SEMA3D: variants seen among roughly 807,000 people sequenced by gnomAD.
SEMA3D encodes the protein semaphorin-3D.
In SEMA3D, 84 loss-of-function variants were observed where a neutral mutation model predicts 100.1. The ratio of observed to expected loss-of-function variants is 0.84; its 90% CI spans 0.70 to 1.01. The LOEUF is 1.01. Ranked by LOEUF, SEMA3D falls within the 50% of genes least tolerant of loss-of-function variation. The probability of loss-of-function intolerance (pLI) is 0.00; values close to 1 mark genes in which losing one functional copy is unlikely to be tolerated. For missense variants in SEMA3D, 875 were observed against 934.1 expected (o/e 0.94, Z 0.82); for synonymous variants, 312 against 320.7 (o/e 0.97, Z 0.29).
chr7:85,087,581 T>G (rs938460933), intron 4 of SEMA3D, among the ~76,000 whole-genome samples: 3 of 152,224 alleles, frequency 2.0e-5, no homozygotes, highest in African/African-American at 7.2e-5. Context: ...TGAGTGCTAA[T>G]TCTTACAGAT....
chr7:85,080,440 C>A (rs1168495061), intron 5 of SEMA3D, among the ~76,000 whole-genome samples: 1 of 152,086 alleles, frequency 6.6e-6, no homozygotes, highest in Admixed American at 6.6e-5. Flanking sequence ...TTAATCTATT[C>A]ATCCTTTCAT....
At chr7:85,041,529 A>G (rs1370371088) in intron 10 of SEMA3D, 17 of 152,216 alleles carry the variant, frequency 1.1e-4, no homozygotes, top group Admixed American at 1.1e-3. Context: ...AAGTTGGAAA[A>G]TACACAATAC....
the SEMA3D span, among the ~76,000 whole-genome samples, chr7:85,197,582 C>A: frequency 6.6e-6 from 1 of 151,762 alleles, no homozygotes; most frequent in Non-Finnish European, 1.5e-5. Context: ...CCAAGCTGCA[C>A]CCCGACCACC....
At chr7:85,235,874 G>A in the SEMA3D span, among the ~76,000 whole-genome samples, 2 of 152,278 alleles carry the variant, frequency 1.3e-5, no homozygotes, top group Non-Finnish European at 2.9e-5. Context: ...AAGGGAATAG[G>A]AGAGGTGGCT....
At chr7:85,207,654 C>T in the SEMA3D span, among the ~76,000 whole-genome samples, 6 of 151,924 alleles carry the variant, frequency 3.9e-5, no homozygotes, top group Middle Eastern at 3.4e-3. Flanking sequence ...TCTAGATTGA[C>T]GGATTGAGAA....
chr7:85,188,137 G>C (rs1791613714), upstream of SEMA3D, among the ~76,000 whole-genome samples: 1 of 152,208 alleles, frequency 6.6e-6, no homozygotes, highest in African/African-American at 2.4e-5. Flanking sequence ...TAACTGAAAG[G>C]GGTGGAAGAC....
At chr7:85,055,660 ATATATATATATATATATATATATATG>A (rs1791290713) in intron 9 of SEMA3D, 31 bp downstream of exon 9, 1 of 106,366 alleles carries the variant, frequency 9.4e-6, no homozygotes, top group African/African-American at 4.2e-5. Flanking sequence ...ATATATATAT[ATATATATATATATATATATATATATG>A]TTTTAAGTAA....
At chr7:85,165,937 G>A (rs1457642853) in intron 1 of SEMA3D, among the ~76,000 whole-genome samples, 1 of 151,928 alleles carries the variant, frequency 6.6e-6, no homozygotes, top group African/African-American at 2.4e-5. Flanking sequence ...ATGCAGATGG[G>A]TTCATATACC....
chr7:85,220,519 A>T, the SEMA3D span, among the ~76,000 whole-genome samples: 11 of 152,090 alleles, frequency 7.2e-5, no homozygotes, highest in African/African-American at 1.9e-4. Context: ...GTCTCTGATT[A>T]AAAAAAGTCT....
chr7:85,115,480 T>C (rs958003574), intron 3 of SEMA3D, among the ~76,000 whole-genome samples: 2 of 152,236 alleles, frequency 1.3e-5, no homozygotes, highest in African/African-American at 4.8e-5. Context: ...CGTTTGTCAA[T>C]GCAGTGTTTC....
chr7:85,249,502 TA>T, the SEMA3D span, among the ~76,000 whole-genome samples: 1 of 152,190 alleles, frequency 6.6e-6, no homozygotes, highest in Non-Finnish European at 1.5e-5. Context: ...CAGTCTACCA[TA>T]TTGACATACA....
chr7:85,042,070 G>T, intron 10 of SEMA3D, 101 bp downstream of exon 10: 1 of 854,158 alleles, frequency 1.2e-6, no homozygotes. Flanking sequence ...GGTTTGCTCA[G>T]GTAAAATTAA....
intron 1 of SEMA3D, among the ~76,000 whole-genome samples, chr7:85,163,989 T>C (rs899082448): frequency 2.0e-5 from 3 of 152,124 alleles, no homozygotes; most frequent in Non-Finnish European, 4.4e-5. Flanking sequence ...TAATCACCAA[T>C]CTTTTTTGAA....
the SEMA3D span, among the ~76,000 whole-genome samples, chr7:85,200,360 T>C: frequency 2.6e-5 from 4 of 152,252 alleles, no homozygotes; most frequent in South Asian, 6.2e-4. Context: ...GCTGAGGTGG[T>C]CTCAGATGGA....
At chr7:85,016,074 T>C (rs530374309) in intron 15 of SEMA3D, among the ~76,000 whole-genome samples, 138 of 151,868 alleles carry the variant, frequency 9.1e-4, no homozygotes, top group Non-Finnish European at 1.6e-3. Flanking sequence ...TTAGCACCCA[T>C]TAAACTGTCA....
the SEMA3D span, among the ~76,000 whole-genome samples, chr7:85,240,446 T>G: frequency 1.3e-5 from 2 of 152,154 alleles, no homozygotes; most frequent in Non-Finnish European, 1.5e-5. Context: ...GATAGACATT[T>G]GTCTGTAGTT....
chr7:85,028,512 A>C (rs1790455962), intron 12 of SEMA3D: 1 of 341,622 alleles, frequency 2.9e-6, no homozygotes, highest in East Asian at 7.2e-5. Flanking sequence ...AGAGACACCT[A>C]CTTAGGTGGA....
At chr7:85,185,568 C>T (rs1791516411) in intron 1 of SEMA3D, among the ~76,000 whole-genome samples, 1 of 152,188 alleles carries the variant, frequency 6.6e-6, no homozygotes, top group South Asian at 2.1e-4. Flanking sequence ...CTATTTAACT[C>T]CTGTCCCCAT....
At chr7:85,135,432 A>T (rs552365192) in intron 2 of SEMA3D, among the ~76,000 whole-genome samples, 1 of 151,920 alleles carries the variant, frequency 6.6e-6, no homozygotes, top group Non-Finnish European at 1.5e-5. Context: ...GCATGTTCTC[A>T]CTCATAGGTG....
Sources: allele counts gnomAD v4.1 joint callset (sites outside exome capture counted in the v4.1 genomes callset), GRCh38; gene constraint gnomAD v4.1.1; transcripts MANE v1.5; gene names NCBI Gene and HGNC (gene_info 2026-07-23, HGNC 2026-07-21).